TRPM7: variants seen among roughly 807,000 people sequenced by gnomAD.
TRPM7 encodes the protein LTRPC ion channel family member 7.
In TRPM7, 134 loss-of-function variants were observed where a neutral mutation model predicts 229.7. The observed-to-expected ratio is 0.58, with a 90% CI of 0.51 to 0.67. The LOEUF is 0.67. Ranked by LOEUF, TRPM7 falls within the 30% of genes least tolerant of loss-of-function variation. The probability of loss-of-function intolerance (pLI) is 0.00; values close to 1 mark genes in which losing one functional copy is unlikely to be tolerated. For missense variants in TRPM7, 1,901 were observed against 2,210.0 expected, an observed-to-expected ratio of 0.86 and a Z score of 2.80; for synonymous variants, 699 against 715.2, an observed-to-expected ratio of 0.98 and a Z score of 0.36.
chr15:50,583,183 A>G (rs1368885511), intron 28 of TRPM7, 24 bp from the exon 29 acceptor site: 1 of 1,556,774 alleles, frequency 6.4e-7, no homozygotes, highest in Admixed American at 1.8e-5. Flanking sequence ...AAAAAATATA[A>G]AAAAGCTACA....
intron 2 of TRPM7, among the ~76,000 whole-genome samples, chr15:50,658,474 G>A (rs12899517): frequency 0.14 from 20,884 of 151,762 alleles, 1,472 homozygotes; most frequent in Middle Eastern, 0.2. Context: ...GGAGGCTGAG[G>A]TGGGAGGATT....
intron 31 of TRPM7, among the ~76,000 whole-genome samples, chr15:50,576,175 T>C (rs2054123255): frequency 6.6e-6 from 1 of 152,206 alleles, no homozygotes; most frequent in Non-Finnish European, 1.5e-5. Flanking sequence ...ACTCCTGCCA[T>C]AAACTCACTC....
intron 1 of TRPM7, among the ~76,000 whole-genome samples, chr15:50,678,134 G>A (rs1010120636): frequency 1.1e-4 from 16 of 151,008 alleles, no homozygotes; most frequent in Admixed American, 4.6e-4. Flanking sequence ...CCAGCTACTC[G>A]GGAGGCTGAG....
intron 5 of TRPM7, among the ~76,000 whole-genome samples, chr15:50,640,160 C>T (rs56170748): frequency 0.47 from 72,129 of 151,948 alleles, 17,708 homozygotes; most frequent in East Asian, 0.57. Flanking sequence ...CAGGACCATA[C>T]GCAAAACACA....
intron 13 of TRPM7, among the ~76,000 whole-genome samples, chr15:50,618,744 A>C (rs1567021320): frequency 6.6e-6 from 1 of 152,138 alleles, no homozygotes; most frequent in Non-Finnish European, 1.5e-5. Flanking sequence ...GTGTACCCAC[A>C]GGTAGTTGTT....
chr15:50,623,022 A>T (rs187624055), intron 12 of TRPM7, among the ~76,000 whole-genome samples: 4 of 152,348 alleles, frequency 2.6e-5, no homozygotes, highest in Admixed American at 1.3e-4. Context: ...CATTTAAGCT[A>T]AGTCCTAAGC....
At chr15:50,620,019 A>G (rs141675384) in intron 12 of TRPM7, among the ~76,000 whole-genome samples, 1 of 152,246 alleles carries the variant, frequency 6.6e-6, no homozygotes, top group South Asian at 2.1e-4. Context: ...TTTGTTTCAC[A>G]AAAGTCATCA....
chr15:50,576,256 C>T (rs1299126994), intron 31 of TRPM7, among the ~76,000 whole-genome samples: 1 of 152,034 alleles, frequency 6.6e-6, no homozygotes, highest in Non-Finnish European at 1.5e-5. Context: ...GGACTGTAGC[C>T]ATGTAAATAT....
Position 50,575,904 on chromosome 15 carries a change from A to C in TRPM7, c.4634T>G (p.Phe1545Cys). The change falls in exon 32 of 39, where the codon TTT becomes TGT. Residue 1545 changes from phenylalanine to cysteine, a missense_variant. Phe to Cys is a radical substitution (Grantham distance 205). Around this residue, in one of 8 missense-constraint regions of TRPM7, gnomAD observed 533 missense variants for 497.1 expected, o/e 1.07. Transcript: ENST00000646667. ...GTAATTTGTATCCATAGCTGGCTTAAATGGAGAAGTGAGACCTAGAATGGC... is the reference window on the plus strand; with the variant it reads ...GTAATTTGTATCCATAGCTGGCTTACATGGAGAAGTGAGACCTAGAATGGC... The part of the protein sequence containing the change: ...EGTLNGLTSP[F>C]KPAMDTNYYY... 6.2e-7 allele frequency: 1 copy of C among 1,613,422 alleles called. No homozygotes were observed. Among genetic ancestry groups the C allele is most frequent in the Non-Finnish European group, 8.5e-7 (1 of 1,179,694 alleles).
chr15:50,682,583 A>C (rs970165030), intron 1 of TRPM7, among the ~76,000 whole-genome samples: 8 of 152,106 alleles, frequency 5.3e-5, no homozygotes, highest in Non-Finnish European at 1.2e-4. Context: ...TCTCAAAAAA[A>C]AAAAAAAAAT....
At chr15:50,582,094 C>G (rs2054443734) in intron 29 of TRPM7, among the ~76,000 whole-genome samples, 1 of 152,082 alleles carries the variant, frequency 6.6e-6, no homozygotes, top group South Asian at 2.1e-4. Context: ...TCCCGAGTAG[C>G]TGAATTACAG....
At chr15:50,651,866 G>A (rs113339783) in intron 3 of TRPM7, among the ~76,000 whole-genome samples, 3,616 of 151,826 alleles carry the variant, frequency 0.024, 136 homozygotes, top group African/African-American at 0.082. Context: ...CCAGCCTGGC[G>A]ACGGAGCAAG....
intron 15 of TRPM7, among the ~76,000 whole-genome samples, chr15:50,613,400 G>A (rs1302777450): frequency 1.3e-5 from 2 of 150,900 alleles, no homozygotes; most frequent in African/African-American, 4.9e-5. Context: ...TACTCGGGAG[G>A]CTGAGGCAGG....
At chr15:50,570,032 A>G (rs183923083) in intron 37 of TRPM7, 39 bp from the exon 38 acceptor site, 12 of 1,586,856 alleles carry the variant, frequency 7.6e-6, no homozygotes, top group East Asian at 6.7e-5. Flanking sequence ...AACAAAAAAA[A>G]GGGGGCAGTT....
intron 38 of TRPM7, among the ~76,000 whole-genome samples, chr15:50,563,224 C>T (rs150961646): frequency 7.0e-4 from 107 of 152,324 alleles, no homozygotes; most frequent in African/African-American, 2.4e-3. Context: ...GACGGTAGAA[C>T]TGTGTAGCTG....
intron 33 of TRPM7, 122 bp downstream of exon 33, chr15:50,575,602 T>G (rs753959766): frequency 2.0e-5 from 17 of 838,188 alleles, no homozygotes; most frequent in Non-Finnish European, 2.9e-5. Flanking sequence ...GTAGTCAGAT[T>G]AATCAAGAAT....
At chr15:50,678,239 C>CAAAAAAAAAAAAAAAAAAAA (rs527874854) in intron 1 of TRPM7, among the ~76,000 whole-genome samples, 3 of 92,094 alleles carry the variant, frequency 3.3e-5, no homozygotes, top group South Asian at 4.0e-4. Flanking sequence ...GACTCTCTCT[C>CAAAAAAAAAAAAAAAAAAAA]AAAAAAAAAA....
At chr15:50,591,808 T>C in intron 26 of TRPM7, 103 bp downstream of exon 26, 2 of 859,438 alleles carry the variant, frequency 2.3e-6, no homozygotes, top group East Asian at 3.0e-5. Context: ...TTTATAATTA[T>C]ACTCTATGAA....
intron 21 of TRPM7, among the ~76,000 whole-genome samples, chr15:50,600,653 A>T (rs1389466596): frequency 6.6e-6 from 1 of 152,242 alleles, no homozygotes; most frequent in African/African-American, 2.4e-5. Context: ...ATATATTTTT[A>T]AAATGAATAT....
Sources: allele counts gnomAD v4.1 joint callset (sites outside exome capture counted in the v4.1 genomes callset), GRCh38; gene constraint gnomAD v4.1.1; regional missense constraint gnomAD v4.1.1; transcripts MANE v1.5; gene names NCBI Gene and HGNC (gene_info 2026-07-23, HGNC 2026-07-21).